The following SUV39H2 variants were observed in gnomAD, a reference collection of about 807,000 sequenced individuals.
The protein encoded by SUV39H2 is SUV39H2 histone lysine methyltransferase, also known as histone-lysine N-methyltransferase SUV39H2.
A neutral mutation model predicts 47.5 loss-of-function variants in SUV39H2; 10 were observed. The ratio of observed to expected loss-of-function variants is 0.21; its 90% confidence interval spans 0.13 to 0.36. The LOEUF is 0.36. Among genes scored for constraint, SUV39H2 ranks in the 10% least tolerant of loss-of-function variants. The pLI, the probability that SUV39H2 is intolerant of heterozygous loss-of-function variation, is 1.00. For synonymous variants in SUV39H2, 159 were observed against 166.8 expected (o/e 0.95, Z 0.36); for missense variants, 266 against 487.4 (o/e 0.55, Z 4.28).
chr10:14,879,149 G>A, intron 1 of SUV39H2: 7 of 1,225,892 alleles, frequency 5.7e-6, no homozygotes, highest in Non-Finnish European at 6.1e-6. Context: ...CCGAGCCTGG[G>A]GCACTTCGGA....
intron 2 of SUV39H2, among the ~76,000 whole-genome samples, chr10:14,884,890 A>G (rs936227762): frequency 2.0e-5 from 3 of 152,220 alleles, no homozygotes; most frequent in Non-Finnish European, 4.4e-5. Context: ...CTATTCTTAC[A>G]GGGTGTTACT....
chr10:14,896,709 A>C, intron 2 of SUV39H2, 137 bp from the exon 3 acceptor site: 4 of 622,416 alleles, frequency 6.4e-6, no homozygotes, highest in Non-Finnish European at 1.1e-5. Flanking sequence ...ATGTGTTAGG[A>C]ACCTGTGACT....
intron 3 of SUV39H2, chr10:14,898,937 G>C (rs1192734168): frequency 5.4e-6 from 2 of 371,294 alleles, no homozygotes; most frequent in Non-Finnish European, 9.6e-6. Flanking sequence ...TTAACATTCA[G>C]TTGTGTCCTG....
chr10:14,883,893 A>G (rs1833124406), intron 2 of SUV39H2, among the ~76,000 whole-genome samples: 1 of 152,068 alleles, frequency 6.6e-6, no homozygotes, highest in Non-Finnish European at 1.5e-5. Flanking sequence ...CTGTCTGTCC[A>G]TTTGCCTGGT....
chr10:14,897,520 A>G lies in SUV39H2; in HGVS notation c.849+3A>G. 1.3e-6 allele frequency: 2 copies of G among 1,520,814 alleles called. No homozygotes were observed. The highest frequency in any genetic ancestry group is 1.8e-6 in the Non-Finnish European group (2 of 1,132,314). 94.2% of individuals were successfully genotyped at this position (1,520,814 alleles called of 1,614,324 possible). Reference sequence around the variant, plus strand: ...TTGTCATGGAATATGTTGGAGAGGTATGTTTCATTTGCCACGTAGTAAATG... The same window carrying G: ...TTGTCATGGAATATGTTGGAGAGGTGTGTTTCATTTGCCACGTAGTAAATG... On this transcript the variant is annotated splice_donor_region_variant and intron_variant, in intron 3 of 5. Transcript: ENST00000354919.
intron 2 of SUV39H2, among the ~76,000 whole-genome samples, chr10:14,884,605 G>A (rs1469758621): frequency 4.6e-5 from 7 of 152,154 alleles, no homozygotes; most frequent in Non-Finnish European, 1.0e-4. Flanking sequence ...TCTGTGAGTT[G>A]TCTTTCCACT....
At chr10:14,879,055 C>G in intron 1 of SUV39H2, 136 bp downstream of exon 1, 1 of 1,313,354 alleles carries the variant, frequency 7.6e-7, no homozygotes, top group Non-Finnish European at 9.7e-7. Flanking sequence ...AACTCCGGGA[C>G]GCACGCTGCG....
chr10:14,900,642 G>A (rs1564346044), intron 4 of SUV39H2, among the ~76,000 whole-genome samples: 1 of 152,124 alleles, frequency 6.6e-6, no homozygotes, highest in Non-Finnish European at 1.5e-5. Context: ...GTTTACTGTA[G>A]TATTCTCAAA....
intron 1 of SUV39H2, 71 bp downstream of exon 1, chr10:14,878,990 C>A (rs1011916652): frequency 4.0e-5 from 54 of 1,338,604 alleles, no homozygotes; most frequent in African/African-American, 9.3e-5. Context: ...GCGGCGGGGC[C>A]GTCCCGCGGG....
intron 1 of SUV39H2, 42 bp downstream of exon 1, chr10:14,878,961 G>A: frequency 1.4e-6 from 2 of 1,420,194 alleles, no homozygotes; most frequent in South Asian, 1.5e-5. Flanking sequence ...CTGTTCCCAG[G>A]CAAGCTCCCA....
At chr10:14,899,437 A>T in intron 3 of SUV39H2, 102 bp from the exon 4 acceptor site, 2 of 1,285,356 alleles carry the variant, frequency 1.6e-6, no homozygotes, top group East Asian at 2.4e-5. Context: ...TGAATTTCTT[A>T]CTTTTTAAAT....
intron 1 of SUV39H2, among the ~76,000 whole-genome samples, chr10:14,879,416 T>G (rs953183738): frequency 6.6e-5 from 10 of 152,124 alleles, no homozygotes; most frequent in African/African-American, 2.2e-4. Flanking sequence ...GGCGCCTGTG[T>G]GCTAAGAAAG....
intron 5 of SUV39H2, among the ~76,000 whole-genome samples, chr10:14,902,041 C>G (rs1335132320): frequency 2.0e-5 from 3 of 152,036 alleles, no homozygotes; most frequent in Non-Finnish European, 4.4e-5. Context: ...ATTGCTTAAC[C>G]TCTTACATAC....
chr10:14,879,408 C>T (rs1832973860), intron 1 of SUV39H2, among the ~76,000 whole-genome samples: 1 of 152,156 alleles, frequency 6.6e-6, no homozygotes, highest in South Asian at 2.1e-4. Flanking sequence ...TAAATCGGGG[C>T]GCCTGTGTGC....
At chr10:14,894,558 G>A (rs1452673482) in intron 2 of SUV39H2, among the ~76,000 whole-genome samples, 7 of 75,346 alleles carry the variant, frequency 9.3e-5, no homozygotes, top group Non-Finnish European at 1.6e-4. Context: ...TAGTAGAGAC[G>A]GGGTTTCACC....
At chr10:14,882,416 A>G (rs758004768) in intron 2 of SUV39H2, among the ~76,000 whole-genome samples, 2 of 152,162 alleles carry the variant, frequency 1.3e-5, no homozygotes, top group Admixed American at 1.3e-4. Flanking sequence ...CTTTAGTATC[A>G]CTGCCTTCCC....
chr10:14,900,850 T>G lies in SUV39H2; in HGVS notation c.997-283T>G, dbSNP rs551007307. The stretch of plus-strand genomic sequence containing the variant: ...GAAATTCTCCAGGAAAAAAAAAAGT[T>G]GGGACTAGAGGAATAAGATTGGCAA... On this transcript the variant is annotated intron_variant, in intron 4 of 5. Transcript: ENST00000354919. 3.9e-5 allele frequency among the ~76,000 whole-genome samples: 6 copies of G among 152,296 alleles called. No individual in the cohort carries two copies. The East Asian group carries it at 5.8e-4, about 15-fold the overall frequency.
intron 2 of SUV39H2, among the ~76,000 whole-genome samples, chr10:14,895,204 T>C (rs1468259601): frequency 6.7e-6 from 1 of 150,082 alleles, no homozygotes; most frequent in East Asian, 2.0e-4. Flanking sequence ...TGACATGGAG[T>C]CTCACTCTTT....
At chr10:14,879,630 C>A (rs1337369631) in intron 1 of SUV39H2, among the ~76,000 whole-genome samples, 1 of 151,910 alleles carries the variant, frequency 6.6e-6, no homozygotes, top group Non-Finnish European at 1.5e-5. Flanking sequence ...TGGGTGTGGG[C>A]GTCGGGGGGT....
Sources: allele counts gnomAD v4.1 joint callset (sites outside exome capture counted in the v4.1 genomes callset), GRCh38; gene constraint gnomAD v4.1.1; transcripts MANE v1.5; gene names NCBI Gene and HGNC (gene_info 2026-07-23, HGNC 2026-07-21).